Variants in ZNF141 observed in about 807,000 individuals in gnomAD.
The protein encoded by ZNF141 is zinc finger protein 141, also known as zinc finger protein 141 (clone pHZ-44).
A neutral mutation model predicts 11.3 loss-of-function variants in ZNF141; 7 were observed. The ratio of observed to expected loss-of-function variants is 0.62; its 90% CI spans 0.35 to 1.16. The LOEUF (loss-of-function observed/expected upper bound fraction) is 1.16. Among genes scored for constraint, ZNF141 ranks in the 50% most tolerant of loss-of-function variants. ZNF141 has a pLI of 0.02. For synonymous variants in ZNF141, 183 were observed against 190.7 expected (o/e 0.96, Z 0.33); for missense variants, 535 against 554.0 (o/e 0.97, Z 0.34).
rs1712515570 is a variant in ZNF141 at position 379,376 on chromosome 4, C to G, written c.*5514C>G. On this transcript the variant is annotated 3_prime_UTR_variant, in exon 4 of 4. Transcript: ENST00000240499. The stretch of plus-strand genomic sequence containing the variant: ...ATATTAGAGTTCCTATGATTATTTT[C>G]TTCTTTATTTTATTTTTGAGACGGA... 6.6e-6 allele frequency among the ~76,000 whole-genome samples: 1 copy of G among 151,904 alleles called. No homozygotes were observed. The highest frequency in any genetic ancestry group is 1.5e-5 in the Non-Finnish European group (1 of 67,980).
At chr4:338,373 A>G (rs1322342433) in intron 1 of ZNF141, 1 of 212,968 alleles carries the variant, frequency 4.7e-6, no homozygotes, top group Non-Finnish European at 9.6e-6. Context: ...AACAGAGTTC[A>G]TGTGAGCAAA....
At chr4:349,711 G>A (rs1413747552) in intron 3 of ZNF141, among the ~76,000 whole-genome samples, 1 of 152,164 alleles carries the variant, frequency 6.6e-6, no homozygotes, top group African/African-American at 2.4e-5. Flanking sequence ...GGGTGCTGCT[G>A]GGTCTGCTGT....
chr4:357,417 TCA>T, intron 3 of ZNF141, among the ~76,000 whole-genome samples: 1 of 139,800 alleles, frequency 7.2e-6, no homozygotes. Flanking sequence ...AGACTCTGTC[TCA>T]AAAAAAAAAA....
rs1553854190 is a variant in ZNF141 at position 373,940 on chromosome 4, A to G, written c.*78A>G. On this transcript the variant is annotated 3_prime_UTR_variant, in exon 4 of 4. Transcript: ENST00000240499. Reference sequence around the variant, plus strand: ...CCTTAATGAACATGAGAAAATTTATACTGTAGAGAAACCCTGGAAATGTGA... The same window carrying G: ...CCTTAATGAACATGAGAAAATTTATGCTGTAGAGAAACCCTGGAAATGTGA... The G allele has an allele frequency of 4.7e-6, 6 of 1,276,820 alleles. No individual in the cohort carries two copies. The highest frequency in any genetic ancestry group is 1.5e-5 in the African/African-American group (1 of 66,736). The allele number at this position is 1,276,820 out of a possible 1,614,324, so 79.1% of individuals were successfully genotyped here.
chr4:374,038 T>A lies in ZNF141; in HGVS notation c.*176T>A. ...AAGAGAATTCATACCGGAGAGAAAC[T>A]GTACAAATGTGAAGAATATGGCAAA... On this transcript the variant is annotated 3_prime_UTR_variant, in exon 4 of 4. Transcript: ENST00000240499. 1 of 647,706 alleles carries A rather than the reference T, an allele frequency of 1.5e-6. No individual in the cohort carries two copies. The highest frequency in any genetic ancestry group is 2.7e-6 in the Non-Finnish European group (1 of 371,040). 40.1% of individuals were successfully genotyped at this position (647,706 alleles called of 1,614,324 possible). A position where few individuals can be genotyped will look rare whatever the true frequency, so the allele number is the denominator to read the frequency against.
Position 337,962 on chromosome 4 carries a change from C to A in ZNF141, c.-22C>A. On this transcript the variant is annotated 5_prime_UTR_variant, in exon 1 of 4. Coordinates refer to ENST00000240499, the MANE Select transcript of ZNF141 (RefSeq NM_003441.4). ...TTGGATGATTGGTAGCTAAGACTCC[C>A]GAATACTTCAGAAGTGGGGAAATGG... 6.2e-7 allele frequency: 1 copy of A among 1,612,894 alleles called. No individual in the cohort carries two copies. The highest frequency in any genetic ancestry group is 8.5e-7 in the Non-Finnish European group (1 of 1,179,192).
chr4:374,370 T>G lies in ZNF141; in HGVS notation c.*508T>G. 2.8e-6 allele frequency: 1 copy of G among 362,194 alleles called. No individual in the cohort carries two copies. Among genetic ancestry groups the G allele is most frequent in the South Asian group, 2.3e-5 (1 of 43,694 alleles). The allele number at this position is 362,194 out of a possible 1,614,324, so 22.4% of individuals were successfully genotyped here. On this transcript the variant is annotated 3_prime_UTR_variant, in exon 4 of 4. Transcript: ENST00000240499. ...GTGAATTCATGCTGGAGCAAAATGC[T>G]TCACATGCGAAGAATGTGGCACAGT...
chr4:359,237 A>T (rs955344054), intron 3 of ZNF141, among the ~76,000 whole-genome samples: 3 of 152,118 alleles, frequency 2.0e-5, no homozygotes, highest in Non-Finnish European at 2.9e-5. Context: ...ACAGTTGAGG[A>T]TTCCATTTTC....
intron 3 of ZNF141, among the ~76,000 whole-genome samples, chr4:351,110 C>T (rs536101766): frequency 6.6e-6 from 1 of 152,068 alleles, no homozygotes; most frequent in East Asian, 1.9e-4. Context: ...TGCTCCTGTT[C>T]CCACTGTGTG....
Position 381,448 on chromosome 4 carries a change from G to C in ZNF141, c.*7586G>C, listed in dbSNP as rs1042858456. On this transcript the variant is annotated 3_prime_UTR_variant, in exon 4 of 4. Transcript: ENST00000240499. Reference sequence around the variant, plus strand: ...TTTTGAGACGTTGTCTTGCTCTGTCGCCCAGGCTGGAGTGCAGTGGTGCAA... The same window carrying C: ...TTTTGAGACGTTGTCTTGCTCTGTCCCCCAGGCTGGAGTGCAGTGGTGCAA... Among the ~76,000 whole-genome samples the C allele has an allele frequency of 2.6e-5, 3 of 117,010 alleles. No individual in the cohort carries two copies. Among genetic ancestry groups the C allele is most frequent in the Admixed American group, 2.5e-4 (2 of 7,926 alleles). The allele number at this position is 117,010 out of a possible 152,430, so 76.8% of individuals were successfully genotyped here.
In ZNF141 at chr4:338,624, T is replaced by G. The variant is rs1243773747; in HGVS notation, c.3+638T>G. On this transcript the variant is annotated intron_variant, in intron 1 of 3. Transcript: ENST00000240499. The stretch of plus-strand genomic sequence containing the variant: ...CGCTTCGCTGAGTTCTGTGAGTAGT[T>G]CTGTCATATTATTGAACTTGAGGAG... The G allele has an allele frequency of 3.3e-5, 5 of 153,436 alleles. No homozygotes were observed. The East Asian group carries it at 9.6e-4, about 30-fold the overall frequency. 9.5% of individuals were successfully genotyped at this position (153,436 alleles called of 1,614,324 possible).
chr4:373,036 C>T lies in ZNF141; in HGVS notation c.599C>T (p.Thr200Ile), dbSNP rs1165905906. The T allele has an allele frequency of 1.9e-6, 3 of 1,613,644 alleles. No homozygotes were observed. Among genetic ancestry groups the T allele is most frequent in the African/African-American group, 2.7e-5 (2 of 74,834 alleles). ...KVIHAGEKPY[T>I]CEECGKAFKW... ...ATTCATGCTGGAGAGAAACCCTACA[C>T]TTGTGAAGAATGTGGCAAAGCCTTT... Residue 200 changes from threonine (T) to isoleucine (I), a missense_variant, in exon 4 of 4, where the codon ACT (threonine) becomes ATT (isoleucine). By Grantham distance (89) the Thr-to-Ile change is moderately conservative. Transcript: ENST00000240499.
Position 373,808 on chromosome 4 carries a change from C to A in ZNF141, c.1371C>A (p.Asp457Glu). ...VDKPYKCKDC[D>E]KAFKRFSHLN... Reference sequence around the variant, plus strand: ...AACCCTACAAATGTAAAGATTGTGACAAAGCCTTTAAACGGTTCTCACACC... The same window carrying A: ...AACCCTACAAATGTAAAGATTGTGAAAAAGCCTTTAAACGGTTCTCACACC... The change falls in exon 4 of 4, where the codon GAC (aspartate) becomes GAA (glutamate). Residue 457 changes from aspartate (D) to glutamate (E), a missense_variant. Asp to Glu is a conservative substitution (Grantham distance 45). Transcript: ENST00000240499. 6.2e-7 allele frequency: 1 copy of A among 1,613,848 alleles called. No individual in the cohort carries two copies. Among genetic ancestry groups the A allele is most frequent in the African/African-American group, 1.3e-5 (1 of 75,018 alleles).
At position 346,924 on chromosome 4, in the gene ZNF141, C is replaced by T. The variant is rs188345803; in HGVS notation, c.226+2494C>T. ...CCCCCCATATATTGGCTACTGTAAA[C>T]GGTACTACAATAAACATGGAGGGGA... On this transcript the variant is annotated intron_variant, in intron 3 of 3. Transcript: ENST00000240499. Among the ~76,000 whole-genome samples, 8 of 147,090 alleles carry T rather than the reference C, an allele frequency of 5.4e-5. No individual in the cohort carries two copies. In the East Asian group the frequency reaches 1.4e-3, roughly 26 times the overall value.
intron 3 of ZNF141, among the ~76,000 whole-genome samples, chr4:353,178 G>A (rs1721684001): frequency 1.3e-5 from 2 of 152,136 alleles, no homozygotes; most frequent in Non-Finnish European, 2.9e-5. Flanking sequence ...TTCAGCACCA[G>A]CCTGGGCAAC....
chr4:384,628 T>C lies in ZNF141; in HGVS notation c.*10766T>C, dbSNP rs544831039. Reference sequence around the variant, plus strand: ...TCTTTCCACCTGCTGTCGGTTTTGCTTGGGCACTCATGGGTAATAACCAAG... The same window carrying C: ...TCTTTCCACCTGCTGTCGGTTTTGCCTGGGCACTCATGGGTAATAACCAAG... On this transcript the variant is annotated 3_prime_UTR_variant, in exon 4 of 4. Transcript: ENST00000240499. 1 of 152,360 alleles carries C rather than the reference T, an allele frequency of 6.6e-6. No individual in the cohort carries two copies. The highest frequency in any genetic ancestry group is 2.4e-5 in the African/African-American group (1 of 41,566). 9.4% of individuals were successfully genotyped at this position (152,360 alleles called of 1,614,324 possible).
intron 3 of ZNF141, among the ~76,000 whole-genome samples, chr4:364,042 G>A (rs1456786386): frequency 1.3e-5 from 2 of 152,132 alleles, no homozygotes; most frequent in Admixed American, 6.5e-5. Flanking sequence ...GGATGAAGCC[G>A]AGTTGATCAT....
At chr4:350,269 T>C in intron 3 of ZNF141, 2 of 528,194 alleles carry the variant, frequency 3.8e-6, no homozygotes, top group Non-Finnish European at 7.8e-6. Flanking sequence ...CCTCGATCTC[T>C]GGCTCCACTG....
At chr4:351,907 T>G (rs1721622078) in intron 3 of ZNF141, among the ~76,000 whole-genome samples, 1 of 152,166 alleles carries the variant, frequency 6.6e-6, no homozygotes, top group Non-Finnish European at 1.5e-5. Context: ...TGAGAGGGTG[T>G]AATTGTTATT....
Sources: allele counts gnomAD v4.1 joint callset (sites outside exome capture counted in the v4.1 genomes callset), GRCh38; gene constraint gnomAD v4.1.1; transcripts MANE v1.5; gene names NCBI Gene and HGNC (gene_info 2026-07-23, HGNC 2026-07-21).